Variants in ARFGEF3 observed in about 807,000 individuals in gnomAD.
ARFGEF3 encodes ARFGEF family member 3.
A neutral mutation model predicts 221.7 loss-of-function variants in ARFGEF3; 96 were observed. That is an observed-to-expected ratio of 0.43 (90% CI 0.37 to 0.51). ARFGEF3 has a LOEUF of 0.51. Among genes scored for constraint, ARFGEF3 ranks in the 20% least tolerant of loss-of-function variants. The pLI, the probability that ARFGEF3 is intolerant of heterozygous loss-of-function variation, is 0.00. For synonymous variants in ARFGEF3, 1,145 were observed against 1,126.8 expected (o/e 1.02, Z -0.32); for missense variants, 2,410 against 2,789.9 (o/e 0.86, Z 3.07).
At position 138,291,795 on chromosome 6, in the gene ARFGEF3, C is replaced by A. The variant is rs769373621; in HGVS notation, c.3110C>A (p.Pro1037His). Residue 1037 changes from proline (P) to histidine (H), a missense_variant, in exon 19 of 34, where the codon CCT becomes CAT. This residue lies in a region of ARFGEF3 where 184 missense variants were observed against 141.8 expected (regional missense o/e 1.30). Coordinates refer to ENST00000251691, the MANE Select transcript of ARFGEF3 (RefSeq NM_020340.5). This position sits in a 1 kb window ranked among gnomAD's most constrained non-coding sequence, Gnocchi z 4.5. ...TTCAGCGATGGTGCCTCGCAGCCCC[C>A]TCTGACCATCAGCCAGCCCCAGAAG... ...NHFSDGASQP[P>H]LTISQPQKAT... 10 of 1,481,612 alleles carry A rather than the reference C, an allele frequency of 6.7e-6. No individual in the cohort carries two copies. The highest frequency in any genetic ancestry group is 9.0e-6 in the Non-Finnish European group (10 of 1,116,054). 91.8% of individuals were successfully genotyped at this position (1,481,612 alleles called of 1,614,324 possible).
chr6:138,187,779 C>G (rs568401078), intron 2 of ARFGEF3, among the ~76,000 whole-genome samples: 137 of 152,316 alleles, frequency 9.0e-4, no homozygotes, highest in African/African-American at 3.2e-3. Flanking sequence ...GGGAGAAACA[C>G]TGTAGCCCAC....
At chr6:138,333,598 A>T (rs1023061484) in intron 32 of ARFGEF3, among the ~76,000 whole-genome samples, 1 of 152,172 alleles carries the variant, frequency 6.6e-6, no homozygotes. Context: ...GCCCGCCACC[A>T]TGCCCGGCTA....
chr6:138,218,210 ACTT>A, intron 4 of ARFGEF3: 1 of 1,613,772 alleles, frequency 6.2e-7, no homozygotes, highest in Admixed American at 1.7e-5. Context: ...TTGCCTTTTG[ACTT>A]CTTTTTACTT....
Position 138,307,185 on chromosome 6 carries a change from A to T in ARFGEF3, c.3829-68A>T, listed in dbSNP as rs1392609150. 3.9e-6 allele frequency: 6 copies of T among 1,525,594 alleles called. No individual in the cohort carries two copies. In the African/African-American group the frequency reaches 8.2e-5, roughly 21 times the overall value. 94.5% of individuals were successfully genotyped at this position (1,525,594 alleles called of 1,614,324 possible). On this transcript the variant is annotated intron_variant, in intron 22 of 33. Coordinates refer to ENST00000251691, the MANE Select transcript of ARFGEF3 (RefSeq NM_020340.5). ...AAAATAGGGGACAGAGAAATACATC[A>T]CCCTTCCCAGAAATTCTGCTCCTTT...
At chr6:138,332,954 C>G (rs773247835) in intron 32 of ARFGEF3, among the ~76,000 whole-genome samples, 3 of 152,084 alleles carry the variant, frequency 2.0e-5, no homozygotes, top group Non-Finnish European at 4.4e-5. Flanking sequence ...AGCACTTTTT[C>G]CTACTTACAC....
intron 2 of ARFGEF3, among the ~76,000 whole-genome samples, chr6:138,187,376 C>A (rs1777209792): frequency 6.6e-6 from 1 of 152,214 alleles, no homozygotes; most frequent in Admixed American, 6.5e-5. Flanking sequence ...TTTTCACAGA[C>A]CCCATTGTCC....
chr6:138,162,121 C>T lies in ARFGEF3; in HGVS notation c.35C>T (p.Ala12Val). ...EEILRKLQKE[A>V]SGSKYKAIKE... ...ATCCTGAGGAAGCTGCAGAAGGAGG[C>T]GTCCGGGAGCAAGTACAAAGCCATC... Residue 12 changes from alanine (A) to valine (V), a missense_variant, in exon 1 of 34, where the codon GCG becomes GTG. Coordinates refer to ENST00000251691, the MANE Select transcript of ARFGEF3 (RefSeq NM_020340.5). The surrounding 1 kb of genome is among the most constrained non-coding windows in gnomAD (Gnocchi z 4.7). 6.2e-7 allele frequency: 1 copy of T among 1,604,624 alleles called. No individual in the cohort carries two copies. The highest frequency in any genetic ancestry group is 2.3e-5 in the East Asian group (1 of 43,696).
intron 14 of ARFGEF3, among the ~76,000 whole-genome samples, chr6:138,283,988 G>A (rs987325757): frequency 6.6e-6 from 1 of 152,156 alleles, no homozygotes; most frequent in Non-Finnish European, 1.5e-5. Context: ...CTCTTGGGGT[G>A]AGGGTGAAGT....
At chr6:138,193,495 A>G (rs539170748) in intron 2 of ARFGEF3, among the ~76,000 whole-genome samples, 5 of 152,332 alleles carry the variant, frequency 3.3e-5, no homozygotes, top group Non-Finnish European at 5.9e-5. Context: ...TGTGTCTAAC[A>G]TTTCACACAG....
intron 10 of ARFGEF3, among the ~76,000 whole-genome samples, chr6:138,258,736 G>A (rs796341063): frequency 1.3e-5 from 2 of 152,278 alleles, no homozygotes; most frequent in African/African-American, 4.8e-5. Flanking sequence ...TAAGTGTTTA[G>A]TAACTTTTGA....
chr6:138,233,667 G>T (rs13208241), intron 5 of ARFGEF3, among the ~76,000 whole-genome samples: 1 of 152,056 alleles, frequency 6.6e-6, no homozygotes, highest in Non-Finnish European at 1.5e-5. Flanking sequence ...ATGAGCCACC[G>T]TACCCGGCCA....
chr6:138,325,223 C>T (rs1780106909), intron 31 of ARFGEF3, among the ~76,000 whole-genome samples: 1 of 152,194 alleles, frequency 6.6e-6, no homozygotes, highest in Non-Finnish European at 1.5e-5. Context: ...CCCCTTTTCT[C>T]TACCAGATCT....
intron 12 of ARFGEF3, among the ~76,000 whole-genome samples, chr6:138,276,697 T>C (rs1779102718): frequency 6.6e-6 from 1 of 152,158 alleles, no homozygotes; most frequent in Admixed American, 6.5e-5. Flanking sequence ...GCAGAGTATC[T>C]TTCTGTTGCC....
At chr6:138,175,488 G>A (rs1205103729) in intron 2 of ARFGEF3, among the ~76,000 whole-genome samples, 4 of 152,112 alleles carry the variant, frequency 2.6e-5, no homozygotes, top group Non-Finnish European at 4.4e-5. Flanking sequence ...AGAAGCCATC[G>A]ATAGCTCAGG....
chr6:138,173,535 C>T (rs984552829), intron 2 of ARFGEF3, among the ~76,000 whole-genome samples: 8 of 152,180 alleles, frequency 5.3e-5, no homozygotes, highest in Admixed American at 3.3e-4. Context: ...AATTGTTGGG[C>T]GCATACATAT....
At chr6:138,298,428 A>C (rs1779561860) in intron 21 of ARFGEF3, among the ~76,000 whole-genome samples, 178 bp from the exon 22 acceptor site, 1 of 152,234 alleles carries the variant, frequency 6.6e-6, no homozygotes, top group Non-Finnish European at 1.5e-5. Context: ...AAGCTGGTTG[A>C]ATTGTTAAAA....
At chr6:138,173,320 G>C (rs1464189266) in intron 2 of ARFGEF3, among the ~76,000 whole-genome samples, 1 of 152,146 alleles carries the variant, frequency 6.6e-6, no homozygotes, top group Non-Finnish European at 1.5e-5. Flanking sequence ...TAAAGTACGA[G>C]AAAAACAGAA....
At chr6:138,184,022 G>A (rs543836762) in intron 2 of ARFGEF3, among the ~76,000 whole-genome samples, 72 of 152,314 alleles carry the variant, frequency 4.7e-4, no homozygotes, top group South Asian at 1.2e-3. Flanking sequence ...CCCTCTGTGC[G>A]TTACTGATGT....
rs370426355 is a variant in ARFGEF3 at position 138,280,300 on chromosome 6, A to G, written c.2461+136A>G. On this transcript the variant is annotated intron_variant, in intron 14 of 33. Transcript: ENST00000251691. ...CCACAAAGCTTCCCTGGCAATGGTG[A>G]CAGTTCCAGGGAAGTGTCATGAGTT... The G allele has an allele frequency of 2.3e-5, 19 of 808,912 alleles. 1 individual carries two copies. Among genetic ancestry groups the G allele is most frequent in the Admixed American group, 1.5e-4 (6 of 39,508 alleles). The allele number at this position is 808,912 out of a possible 1,614,324, so 50.1% of individuals were successfully genotyped here.
Sources: allele counts gnomAD v4.1 joint callset (sites outside exome capture counted in the v4.1 genomes callset), GRCh38; gene constraint gnomAD v4.1.1; regional missense constraint gnomAD v4.1.1; non-coding constraint Gnocchi (gnomAD v3.1); transcripts MANE v1.5; gene names NCBI Gene and HGNC (gene_info 2026-07-23, HGNC 2026-07-21).